CRISP2: variants seen among roughly 807,000 people sequenced by gnomAD.
CRISP2 encodes the protein cysteine rich secretory protein 2, also known as cysteine-rich secretory protein 2.
Under a neutral mutation model 31.7 loss-of-function variants are expected in CRISP2, and 29 were observed. The ratio of observed to expected loss-of-function variants is 0.92; its 90% CI spans 0.68 to 1.25. The LOEUF is 1.25. CRISP2 is among the 50% of genes most tolerant of loss of function. CRISP2 has a pLI of 0.00. For missense variants in CRISP2, 318 were observed against 286.5 expected (o/e 1.11, Z -0.79); for synonymous variants, 111 against 101.4 (o/e 1.09, Z -0.57).
chr6:49,713,898 G>A (rs1768441326), upstream of CRISP2, among the ~76,000 whole-genome samples: 1 of 152,148 alleles, frequency 6.6e-6, no homozygotes, highest in Admixed American at 6.5e-5. Flanking sequence ...AATTTAAAGA[G>A]CTAATTAGGA....
chr6:49,695,674 T>C (rs1254392199), intron 9 of CRISP2, among the ~76,000 whole-genome samples, 162 bp downstream of exon 9: 1 of 152,218 alleles, frequency 6.6e-6, no homozygotes, highest in Non-Finnish European at 1.5e-5. Context: ...GCTCCTGCAG[T>C]GTGTAAAATG....
the CRISP2 span, among the ~76,000 whole-genome samples, chr6:49,684,554 C>T: frequency 6.6e-6 from 1 of 152,088 alleles, no homozygotes; most frequent in African/African-American, 2.4e-5. Flanking sequence ...TTCTGCAGTG[C>T]TAAGGGGAAG....
Position 49,692,877 on chromosome 6 carries a change from G to A in CRISP2, c.628C>T (p.Leu210Phe), listed in dbSNP as rs1464676020. ...LCTNSCQYQD[L>F]LSNCDSLKNT... ...TTCAAGGAATCACAGTTACTTAGGA[G>A]ATCTTGATACTGGCAACTATTGGCT... The change falls in exon 10 of 10, where the codon CTC becomes TTC. Residue 210 changes from leucine (L) to phenylalanine (F), a missense_variant. Coordinates refer to ENST00000339139, the MANE Select transcript of CRISP2 (RefSeq NM_003296.4). 6.2e-7 allele frequency: 1 copy of A among 1,613,692 alleles called. No homozygotes were observed.
At chr6:49,712,438 CT>C (rs1379900509) in intron 2 of CRISP2, 62 bp downstream of exon 2, 1 of 151,938 alleles carries the variant, frequency 6.6e-6, no homozygotes, top group Non-Finnish European at 1.5e-5. Context: ...CATTTTATTC[CT>C]TTAAACCCAT....
the CRISP2 span, among the ~76,000 whole-genome samples, chr6:49,685,937 A>G: frequency 6.6e-6 from 1 of 151,654 alleles, no homozygotes; most frequent in East Asian, 1.9e-4. Flanking sequence ...GAGAAATATC[A>G]CTCCTCCCAA....
At chr6:49,693,709 G>A (rs1476019875) in intron 9 of CRISP2, among the ~76,000 whole-genome samples, 2 of 152,050 alleles carry the variant, frequency 1.3e-5, no homozygotes, top group African/African-American at 4.8e-5. Context: ...TCTGTTTAAT[G>A]AATTCTGCTG....
chr6:49,678,837 A>T, the CRISP2 span, among the ~76,000 whole-genome samples: 1 of 152,128 alleles, frequency 6.6e-6, no homozygotes, highest in Non-Finnish European at 1.5e-5. Context: ...ACAGTGCCAA[A>T]AACAAAGCAA....
downstream of CRISP2, among the ~76,000 whole-genome samples, chr6:49,690,767 A>G (rs1239758266): frequency 6.6e-6 from 1 of 152,074 alleles, no homozygotes; most frequent in Non-Finnish European, 1.5e-5. Flanking sequence ...GAAAAATTAA[A>G]TAACTATACA....
chr6:49,682,907 T>A, the CRISP2 span, among the ~76,000 whole-genome samples: 30,581 of 150,842 alleles, frequency 0.2, 3,861 homozygotes, highest in Middle Eastern at 0.29. Context: ...ACCTGTAATC[T>A]CAGCACTTTG....
At chr6:49,680,785 T>C in the CRISP2 span, among the ~76,000 whole-genome samples, 72 of 152,298 alleles carry the variant, frequency 4.7e-4, no homozygotes, top group East Asian at 0.012. Flanking sequence ...GATTGTTGGT[T>C]GCATGAATGT....
chr6:49,695,978 G>T, intron 8 of CRISP2, 54 bp from the exon 9 acceptor site: 1 of 1,157,096 alleles, frequency 8.6e-7, no homozygotes, highest in Non-Finnish European at 1.3e-6. Context: ...TATACTCTAA[G>T]GGCAGTATCA....
upstream of CRISP2, among the ~76,000 whole-genome samples, chr6:49,714,197 G>A (rs1561899278): frequency 1.3e-5 from 2 of 152,198 alleles, no homozygotes; most frequent in African/African-American, 4.8e-5. Flanking sequence ...AGTAATAGGT[G>A]CATTTTCTTC....
the CRISP2 span, among the ~76,000 whole-genome samples, chr6:49,679,376 T>C: frequency 6.6e-6 from 1 of 152,168 alleles, no homozygotes; most frequent in Non-Finnish European, 1.5e-5. Flanking sequence ...ATGATTCTGT[T>C]CACCTTTAAG....
At chr6:49,713,982 A>G (rs1401486373), upstream of CRISP2, among the ~76,000 whole-genome samples, 1 of 152,182 alleles carries the variant, frequency 6.6e-6, no homozygotes, top group African/African-American at 2.4e-5. Context: ...ACAGGTTGTC[A>G]GTTTCAGGCT....
At chr6:49,686,985 T>A in the CRISP2 span, among the ~76,000 whole-genome samples, 1 of 151,076 alleles carries the variant, frequency 6.6e-6, no homozygotes, top group African/African-American at 2.4e-5. Flanking sequence ...TTCTCACTCA[T>A]AGGTGGGAAT....
chr6:49,683,937 C>T, the CRISP2 span, among the ~76,000 whole-genome samples: 1 of 151,402 alleles, frequency 6.6e-6, no homozygotes, highest in Non-Finnish European at 1.5e-5. Context: ...AAGCTATGAG[C>T]TAATTTTAGT....
At chr6:49,695,964 T>C (rs1159380132) in intron 8 of CRISP2, 40 bp from the exon 9 acceptor site, 4 of 1,338,450 alleles carry the variant, frequency 3.0e-6, no homozygotes, top group Non-Finnish European at 4.3e-6. Context: ...TTCACTTTAC[T>C]GTTTATACTC....
At chr6:49,678,455 T>C in the CRISP2 span, among the ~76,000 whole-genome samples, 2 of 152,126 alleles carry the variant, frequency 1.3e-5, no homozygotes, top group African/African-American at 4.8e-5. Context: ...AATTTCCATC[T>C]TATTACACTT....
At chr6:49,682,772 C>G in the CRISP2 span, among the ~76,000 whole-genome samples, 3 of 146,614 alleles carry the variant, frequency 2.0e-5, no homozygotes, top group Non-Finnish European at 3.0e-5. Context: ...CTTCCTCCCT[C>G]CCTTCCCTCA....
Sources: allele counts gnomAD v4.1 joint callset (sites outside exome capture counted in the v4.1 genomes callset), GRCh38; gene constraint gnomAD v4.1.1; transcripts MANE v1.5; gene names NCBI Gene and HGNC (gene_info 2026-07-23, HGNC 2026-07-21).